Variants in ZNF362 observed in about 807,000 individuals in gnomAD.
ZNF362 encodes rotund homolog.
Under a neutral mutation model 42.9 loss-of-function variants are expected in ZNF362, and 11 were observed. That is an observed-to-expected ratio of 0.26 (90% CI 0.16 to 0.42). The LOEUF (loss-of-function observed/expected upper bound fraction) is 0.42, where lower values mean the gene tolerates loss of function less well. Ranked by LOEUF, ZNF362 falls within the 20% of genes least tolerant of loss-of-function variation. The probability of loss-of-function intolerance (pLI) is 1.00; values close to 1 mark genes in which losing one functional copy is unlikely to be tolerated. For missense variants in ZNF362, 362 were observed against 576.2 expected (o/e 0.63, Z 3.81); for synonymous variants, 255 against 257.3 (o/e 0.99, Z 0.09).
chr1:33,256,193 C>A, upstream of ZNF362, among the ~76,000 whole-genome samples: 1 of 137,644 alleles, frequency 7.3e-6, no homozygotes, highest in East Asian at 2.6e-4. Context: ...GCGGCGGCGG[C>A]GACGGCGAGC....
intron 6 of ZNF362, among the ~76,000 whole-genome samples, chr1:33,284,251 G>A (rs778297310): frequency 2.0e-5 from 3 of 152,200 alleles, no homozygotes; most frequent in Non-Finnish European, 4.4e-5. Context: ...GGAGGCCCGG[G>A]GAGGCCTCAT....
intron 6 of ZNF362, among the ~76,000 whole-genome samples, chr1:33,288,147 C>T (rs1646045303): frequency 6.6e-6 from 1 of 152,118 alleles, no homozygotes; most frequent in Non-Finnish European, 1.5e-5. Context: ...CTATTATCCC[C>T]ATTTTAGAGA....
the ZNF362 span, chr1:33,147,764 G>A: frequency 7.6e-6 from 12 of 1,588,152 alleles, no homozygotes; most frequent in Non-Finnish European, 1.0e-5. This position sits in a 1 kb window ranked among gnomAD's most constrained non-coding sequence, Gnocchi z 8.1. Context: ...GATGAGTGGG[G>A]AGAAGGCTGT....
At chr1:33,287,807 A>G (rs1420635598) in intron 6 of ZNF362, among the ~76,000 whole-genome samples, 1 of 152,236 alleles carries the variant, frequency 6.6e-6, no homozygotes, top group Non-Finnish European at 1.5e-5. Context: ...TTAATATACA[A>G]GGTGTCCATA....
the ZNF362 span, among the ~76,000 whole-genome samples, chr1:33,191,879 C>T: frequency 6.6e-5 from 10 of 152,154 alleles, no homozygotes; most frequent in African/African-American, 1.7e-4. Flanking sequence ...ACCTAGAAGA[C>T]GCAAGAGAAT....
chr1:33,274,927 C>G, intron 2 of ZNF362: 1 of 984,286 alleles, frequency 1.0e-6, no homozygotes, highest in East Asian at 1.1e-4. Context: ...AAATTTCTTT[C>G]TTAAAATATT....
the ZNF362 span, among the ~76,000 whole-genome samples, chr1:33,127,952 G>A: frequency 3.3e-5 from 5 of 152,062 alleles, no homozygotes; most frequent in African/African-American, 1.2e-4. Context: ...TTGGAATCCT[G>A]GTTCTGCCAG....
chr1:33,139,198 G>A, the ZNF362 span, among the ~76,000 whole-genome samples: 5 of 152,146 alleles, frequency 3.3e-5, no homozygotes, highest in African/African-American at 2.4e-5. Context: ...CAAAATCTAG[G>A]TGTCGGGGGA....
intron 4 of ZNF362, among the ~76,000 whole-genome samples, chr1:33,279,318 C>G (rs986948774): frequency 6.6e-6 from 1 of 152,180 alleles, no homozygotes; most frequent in Non-Finnish European, 1.5e-5. Flanking sequence ...AGCCGCCGTG[C>G]TTGGCCATGT....
At chr1:33,213,874 AAACAAAAAAAACAAAACAACAACAACAAC>A in the ZNF362 span, among the ~76,000 whole-genome samples, 56 of 151,906 alleles carry the variant, frequency 3.7e-4, no homozygotes, top group Non-Finnish European at 6.5e-4. Context: ...AAACAAAACA[AAACAAAAAAAACAAAACAACAACAACAAC>A]AAAAAACAAG....
At chr1:33,230,742 T>G in the ZNF362 span, among the ~76,000 whole-genome samples, 1 of 152,256 alleles carries the variant, frequency 6.6e-6, no homozygotes, top group Non-Finnish European at 1.5e-5. Flanking sequence ...GCCGTGAGGT[T>G]GCTGCCTGGG....
the ZNF362 span, among the ~76,000 whole-genome samples, chr1:33,182,898 G>A: frequency 6.6e-6 from 1 of 152,124 alleles, no homozygotes; most frequent in Non-Finnish European, 1.5e-5. Flanking sequence ...GGGCTTTCAG[G>A]CAAGGGAATG....
upstream of ZNF362, among the ~76,000 whole-genome samples, chr1:33,253,473 T>C (rs1645770934): frequency 6.6e-6 from 1 of 151,998 alleles, no homozygotes; most frequent in African/African-American, 2.4e-5. Context: ...GAACAGCATA[T>C]GCAAAGTCCT....
At chr1:33,176,270 T>A in the ZNF362 span, 2 of 502,258 alleles carry the variant, frequency 4.0e-6, no homozygotes, top group Non-Finnish European at 7.3e-6. Flanking sequence ...TAGTTCTTAC[T>A]TCCATTTCTC....
the ZNF362 span, among the ~76,000 whole-genome samples, chr1:33,193,166 A>C: frequency 1.3e-3 from 193 of 152,258 alleles, 1 homozygote; most frequent in African/African-American, 4.3e-3. Context: ...TATATAGCTG[A>C]GCTCAAAAGC....
the ZNF362 span, chr1:33,158,334 A>C: frequency 6.2e-7 from 1 of 1,613,866 alleles, no homozygotes; most frequent in East Asian, 2.2e-5. Flanking sequence ...AAGTCTTCAT[A>C]TGTGAGGTTG....
At chr1:33,256,006 C>T (rs1359163515), upstream of ZNF362, among the ~76,000 whole-genome samples, 1 of 151,540 alleles carries the variant, frequency 6.6e-6, no homozygotes, top group Non-Finnish European at 1.5e-5. Context: ...TGGCCACGGC[C>T]GCCGGGGCCC....
At chr1:33,252,586 T>C (rs990669525), upstream of ZNF362, among the ~76,000 whole-genome samples, 1 of 152,208 alleles carries the variant, frequency 6.6e-6, no homozygotes, top group Admixed American at 6.5e-5. Context: ...TGGAGTTCTT[T>C]GTTACTGCGG....
chr1:33,146,580 C>T, the ZNF362 span: 1 of 161,178 alleles, frequency 6.2e-6, no homozygotes. Context: ...CTTCCACAGG[C>T]CACAGCATCA....
Sources: allele counts gnomAD v4.1 joint callset (sites outside exome capture counted in the v4.1 genomes callset), GRCh38; gene constraint gnomAD v4.1.1; non-coding constraint Gnocchi (gnomAD v3.1); transcripts MANE v1.5; gene names NCBI Gene and HGNC (gene_info 2026-07-23, HGNC 2026-07-21).